Variants in ISM2 observed in about 807,000 individuals in gnomAD.
ISM2 encodes isthmin 2, also known as isthmin-2.
ISM2 carries 50 observed loss-of-function variants against 58.0 expected under a neutral mutation model. The observed-to-expected ratio is 0.86, with a 90% CI of 0.69 to 1.09. The LOEUF is 1.09. Among genes scored for constraint, ISM2 ranks in the 50% least tolerant of loss-of-function variants. The probability of loss-of-function intolerance (pLI) is 0.00; values close to 1 mark genes in which losing one functional copy is unlikely to be tolerated. For missense variants in ISM2, 723 were observed against 745.0 expected (o/e 0.97, Z 0.34); for synonymous variants, 303 against 312.4 (o/e 0.97, Z 0.32).
At chr14:77,485,002 G>C (rs2079159301) in intron 1 of ISM2, 83 bp from the exon 2 acceptor site, 2 of 1,422,286 alleles carry the variant, frequency 1.4e-6, no homozygotes, top group African/African-American at 2.9e-5. Context: ...GGCAGATCCA[G>C]GAGCCCTGGG....
chr14:77,498,719 TAGCGCCGCCTCCAGC>T lies in ISM2; in HGVS notation c.60_74del (p.Leu21_Leu25del), dbSNP rs1424798694. 2 of 1,483,688 alleles carry T rather than the reference TAGCGCCGCCTCCAGC, an allele frequency of 1.3e-6. No homozygotes were observed. Among genetic ancestry groups the T allele is most frequent in the South Asian group, 1.3e-5 (1 of 79,066 alleles). The allele number at this position is 1,483,688 out of a possible 1,614,324, so 91.9% of individuals were successfully genotyped here. ...GCCGCGGCTTCTTCACGGGGAGCCC[TAGCGCCGCCTCCAGC>T]AGCGCCGCCAGCAGCAGCACGCAGA... On this transcript the variant is annotated inframe_deletion, in exon 1 of 7. Transcript: ENST00000342219.
chr14:77,495,893 A>G (rs1258746489), intron 1 of ISM2, among the ~76,000 whole-genome samples: 1 of 152,182 alleles, frequency 6.6e-6, no homozygotes, highest in Admixed American at 6.5e-5. Flanking sequence ...GCTATAATAC[A>G]TAGACAGTGT....
chr14:77,484,369 G>A lies in ISM2; in HGVS notation c.581C>T (p.Pro194Leu), dbSNP rs745431075. ...ACTCAAGGTTGCGTGGACCAATTCTGGCAGCTTCTGCAGCTCCAGCAGCAA... is the reference window on the plus strand; with the variant it reads ...ACTCAAGGTTGCGTGGACCAATTCTAGCAGCTTCTGCAGCTCCAGCAGCAA... Reference protein sequence around the residue: ...TPLLLELQKLPELVHATLSTP... With the variant: ...TPLLLELQKLLELVHATLSTP... The change falls in exon 3 of 7, where the codon CCA becomes CTA. Residue 194 changes from proline to leucine, a missense_variant. Pro to Leu is a moderately conservative substitution (Grantham distance 98). Coordinates refer to ENST00000342219, the MANE Select transcript of ISM2 (RefSeq NM_199296.3). The A allele has an allele frequency of 2.0e-5, 33 of 1,612,234 alleles. No homozygotes were observed. The highest frequency in any genetic ancestry group is 7.6e-6 in the Non-Finnish European group (9 of 1,179,230).
At chr14:77,497,043 G>A (rs1351511318) in intron 1 of ISM2, among the ~76,000 whole-genome samples, 1 of 151,274 alleles carries the variant, frequency 6.6e-6, no homozygotes, top group African/African-American at 2.4e-5. Context: ...CACCCTGCAT[G>A]CCTATATGGA....
At chr14:77,480,626 T>C (rs960334451) in intron 4 of ISM2, among the ~76,000 whole-genome samples, 3 of 143,852 alleles carry the variant, frequency 2.1e-5, no homozygotes, top group Non-Finnish European at 3.0e-5. Context: ...GATGTAATCA[T>C]GGCTCACTGC....
Position 77,484,519 on chromosome 14 carries a change from GCCT to G in ISM2, c.428_430del (p.Glu143del). 1.3e-6 allele frequency: 2 copies of G among 1,597,166 alleles called. No homozygotes were observed. The highest frequency in any genetic ancestry group is 1.7e-6 in the Non-Finnish European group (2 of 1,171,536). On this transcript the variant is annotated inframe_deletion, in exon 3 of 7. Transcript: ENST00000342219. ...CAGGTGGGTTCTGGGGAGCAGTCGT[GCCT>G]CCTCCTCTTCCCTCAGAGGCCTAGG...
intron 4 of ISM2, among the ~76,000 whole-genome samples, chr14:77,482,118 A>C (rs1450504429): frequency 6.7e-6 from 1 of 149,052 alleles, no homozygotes; most frequent in Admixed American, 6.7e-5. Flanking sequence ...ATCTCAAATT[A>C]AAAAATTAAA....
intron 1 of ISM2, among the ~76,000 whole-genome samples, chr14:77,487,396 T>G (rs1368979063): frequency 2.0e-5 from 3 of 152,162 alleles, no homozygotes. Flanking sequence ...TCTGTGAGCT[T>G]CTTCATCTGC....
At chr14:77,477,282 T>C (rs771427193) in intron 6 of ISM2, among the ~76,000 whole-genome samples, 18 of 152,140 alleles carry the variant, frequency 1.2e-4, no homozygotes, top group Non-Finnish European at 2.2e-4. Context: ...CCGGGTCTTG[T>C]TTCTCATTTT....
chr14:77,496,305 AT>A (rs2079239851), intron 1 of ISM2, among the ~76,000 whole-genome samples: 4 of 150,082 alleles, frequency 2.7e-5, no homozygotes, highest in Admixed American at 6.6e-5. Flanking sequence ...CCTGACCAAC[AT>A]GCAGAAACCC....
At chr14:77,482,848 G>C in intron 3 of ISM2, 181 bp from the exon 4 acceptor site, 1 of 530,044 alleles carries the variant, frequency 1.9e-6, no homozygotes. Context: ...AAGAATCACA[G>C]CTTACGGCCT....
chr14:77,481,704 C>T (rs1303253050), intron 4 of ISM2, among the ~76,000 whole-genome samples: 1 of 151,998 alleles, frequency 6.6e-6, no homozygotes, highest in Admixed American at 6.6e-5. Flanking sequence ...ATTTCTCAAT[C>T]CTTGGAAACT....
At chr14:77,498,560 T>TGTCCCG in intron 1 of ISM2, 93 bp downstream of exon 1, 1 of 1,390,774 alleles carries the variant, frequency 7.2e-7, no homozygotes, top group East Asian at 2.8e-5. Context: ...TGCCTGTGTG[T>TGTCCCG]GTCCCGGTCC....
chr14:77,486,525 T>C (rs1319776313), intron 1 of ISM2, among the ~76,000 whole-genome samples: 3 of 152,190 alleles, frequency 2.0e-5, no homozygotes, highest in Non-Finnish European at 4.4e-5. Context: ...CACTGACCAA[T>C]GAGGGAGGCC....
intron 1 of ISM2, among the ~76,000 whole-genome samples, chr14:77,496,996 G>C (rs1186000979): frequency 6.6e-6 from 1 of 151,512 alleles, no homozygotes; most frequent in African/African-American, 2.4e-5. Flanking sequence ...ACAAGTTCTG[G>C]CTCTCACTCT....
intron 1 of ISM2, among the ~76,000 whole-genome samples, chr14:77,489,178 C>T (rs970943635): frequency 1.1e-4 from 16 of 152,174 alleles, no homozygotes; most frequent in African/African-American, 3.6e-4. Flanking sequence ...CTGTTTCAGC[C>T]CCTTCACAGT....
At chr14:77,483,322 G>A (rs1248408830) in intron 3 of ISM2, among the ~76,000 whole-genome samples, 1 of 152,170 alleles carries the variant, frequency 6.6e-6, no homozygotes, top group Non-Finnish European at 1.5e-5. Context: ...CACTTTGGGA[G>A]GCCGAGGTGG....
intron 1 of ISM2, among the ~76,000 whole-genome samples, chr14:77,490,518 T>A (rs80277533): frequency 0.069 from 10,440 of 152,268 alleles, 534 homozygotes; most frequent in Admixed American, 0.16. Flanking sequence ...AGAGGTAACG[T>A]AACTTGCCTG....
chr14:77,497,769 G>GGGAAGGAAGGAA (rs1177768719), intron 1 of ISM2, among the ~76,000 whole-genome samples: 12 of 86,212 alleles, frequency 1.4e-4, no homozygotes, highest in African/African-American at 6.8e-4. Context: ...GAGGGAGGGA[G>GGGAAGGAAGGAA]GGAAGGAAGG....
Sources: allele counts gnomAD v4.1 joint callset (sites outside exome capture counted in the v4.1 genomes callset), GRCh38; gene constraint gnomAD v4.1.1; transcripts MANE v1.5; gene names NCBI Gene and HGNC (gene_info 2026-07-23, HGNC 2026-07-21).